Variants in ZNF831 observed in about 807,000 individuals in gnomAD.
ZNF831 encodes the protein zinc finger protein 831, also known as chromosome 20 open reading frame 174.
Under a neutral mutation model 95.8 loss-of-function variants are expected in ZNF831, and 59 were observed. The ratio of observed to expected loss-of-function variants is 0.62; its 90% CI spans 0.50 to 0.77. The LOEUF is 0.77. Ranked by LOEUF, ZNF831 falls within the 30% of genes least tolerant of loss-of-function variation. ZNF831 has a pLI of 0.00. For synonymous variants in ZNF831, 961 were observed against 925.5 expected (o/e 1.04, Z -0.70); for missense variants, 2,205 against 2,164.0 (o/e 1.02, Z -0.38).
chr20:59,133,722 C>T (rs1979416823), intron 1 of ZNF831, among the ~76,000 whole-genome samples: 1 of 152,190 alleles, frequency 6.6e-6, no homozygotes, highest in African/African-American at 2.4e-5. Context: ...GCTCATCTCC[C>T]TGCATTCTGT....
At chr20:59,214,037 A>G (rs1985516309) in intron 4 of ZNF831, among the ~76,000 whole-genome samples, 1 of 152,168 alleles carries the variant, frequency 6.6e-6, no homozygotes, top group Admixed American at 6.5e-5. Context: ...AATCTATCAT[A>G]AGGGTACGAT....
chr20:59,180,210 C>A (rs750738895), intron 1 of ZNF831, among the ~76,000 whole-genome samples: 2 of 152,140 alleles, frequency 1.3e-5, no homozygotes, highest in South Asian at 4.1e-4. Flanking sequence ...ACCTCAACCT[C>A]CTGAGTAGCT....
intron 5 of ZNF831, 132 bp downstream of exon 5, chr20:59,253,270 GC>G: frequency 1.0e-6 from 1 of 987,694 alleles, no homozygotes; most frequent in Non-Finnish European, 1.5e-6. Context: ...GGCACAGAAA[GC>G]CCATTAAGAC....
chr20:59,193,231 G>T lies in ZNF831; in HGVS notation c.2212G>T (p.Asp738Tyr), dbSNP rs1221233795. 6.3e-7 allele frequency: 1 copy of T among 1,598,192 alleles called. No individual in the cohort carries two copies. Among genetic ancestry groups the T allele is most frequent in the Non-Finnish European group, 8.5e-7 (1 of 1,172,298 alleles). ...AVSSPALGGR[D>Y]SPCSGSRSPL... is the part of the protein sequence containing the mutation. The stretch of plus-strand genomic sequence containing the variant: ...GTCATCCCCTGCACTGGGTGGCAGA[G>T]ACAGTCCCTGTTCAGGCAGTAGGAG... Residue 738 changes from aspartate (D) to tyrosine (Y), a missense_variant, in exon 2 of 6, where the codon GAC becomes TAC. Physicochemically the swap from Asp to Tyr is radical, Grantham distance 160. Coordinates refer to ENST00000371030, the MANE Select transcript of ZNF831 (RefSeq NM_178457.3).
At chr20:59,200,388 T>C (rs1001598108) in intron 3 of ZNF831, among the ~76,000 whole-genome samples, 1 of 152,208 alleles carries the variant, frequency 6.6e-6, no homozygotes, top group Non-Finnish European at 1.5e-5. Context: ...TGTTTCTCTG[T>C]GCTATAATCT....
At chr20:59,207,642 C>T (rs775191925) in intron 4 of ZNF831, among the ~76,000 whole-genome samples, 15 of 152,170 alleles carry the variant, frequency 9.9e-5, no homozygotes, top group African/African-American at 1.9e-4. Flanking sequence ...ACTGGGCAAC[C>T]GGGGCAAATG....
rs57571629 is a variant in ZNF831 at position 59,193,476 on chromosome 20, C to G, written c.2457C>G (p.Pro819=). 4.3e-6 allele frequency: 7 copies of G among 1,610,130 alleles called. No homozygotes were observed. The East Asian group carries it at 1.6e-4, about 36-fold the overall frequency. Residue 819 remains proline, a synonymous_variant, in exon 2 of 6, where the codon CCC becomes CCG. Transcript: ENST00000371030. ...GGGGCTCAGGGGAGGACAAGCTCCC[C>G]TCAGAGAGGAAGAAGCTGAAAGTGG... ...PSRGSGEDKL[P]SERKKLKVED... is the part of the protein sequence containing the mutation.
chr20:59,136,594 T>G (rs1161602917), intron 1 of ZNF831, among the ~76,000 whole-genome samples: 1 of 152,180 alleles, frequency 6.6e-6, no homozygotes, highest in Non-Finnish European at 1.5e-5. Flanking sequence ...CGGTAGATAC[T>G]GTAGCTCCCT....
chr20:59,142,459 C>G (rs976333859), intron 1 of ZNF831, among the ~76,000 whole-genome samples: 2 of 152,322 alleles, frequency 1.3e-5, no homozygotes, highest in African/African-American at 2.4e-5. Flanking sequence ...CCCAATACCC[C>G]CTACCCCCAC....
rs533621897 is a variant in ZNF831 at position 59,167,228 on chromosome 20, G to A, written c.-37+3021G>A. ...TGTGCTTATCTGCTGGCTGTATACC[G>A]TTTTTGGTGATAACTTGCTTCATGT... On this transcript the variant is annotated intron_variant, in intron 1 of 5. Transcript: ENST00000371030. 1.5e-4 allele frequency among the ~76,000 whole-genome samples: 23 copies of A among 152,160 alleles called. 1 individual carries two copies. Among genetic ancestry groups the A allele is most frequent in the Admixed American group, 1.2e-3 (18 of 15,288 alleles).
chr20:59,245,571 A>AAC (rs1161318600), intron 4 of ZNF831, among the ~76,000 whole-genome samples: 1 of 152,204 alleles, frequency 6.6e-6, no homozygotes, highest in Non-Finnish European at 1.5e-5. Flanking sequence ...CTCCACCCAC[A>AAC]ACATGCCAGG....
At chr20:59,238,640 G>C (rs1987136885) in intron 4 of ZNF831, among the ~76,000 whole-genome samples, 1 of 152,214 alleles carries the variant, frequency 6.6e-6, no homozygotes, top group Admixed American at 6.5e-5. Flanking sequence ...TTTTCTCTTT[G>C]AGATTCGTGA....
At chr20:59,156,109 A>C (rs1376428245) in intron 2 of ZNF831, among the ~76,000 whole-genome samples, 1 of 152,250 alleles carries the variant, frequency 6.6e-6, no homozygotes, top group East Asian at 1.9e-4. Flanking sequence ...TTTAGGGATA[A>C]GTATGCACCT....
At chr20:59,224,511 G>A (rs1425650593) in intron 4 of ZNF831, among the ~76,000 whole-genome samples, 2 of 152,122 alleles carry the variant, frequency 1.3e-5, no homozygotes, top group Non-Finnish European at 2.9e-5. Context: ...TGACGAATCC[G>A]ACTGTTCTTT....
intron 3 of ZNF831, among the ~76,000 whole-genome samples, chr20:59,202,341 A>ATTT (rs1568766087): frequency 0.11 from 10,962 of 97,982 alleles, 1,059 homozygotes; most frequent in African/African-American, 0.3. Flanking sequence ...TTTTTTTTTA[A>ATTT]AAAAAAAAAC....
At chr20:59,202,231 A>G (rs764366657) in intron 3 of ZNF831, among the ~76,000 whole-genome samples, 20 of 151,776 alleles carry the variant, frequency 1.3e-4, no homozygotes, top group Non-Finnish European at 2.8e-4. Flanking sequence ...TGTTGATGTG[A>G]ATTATATTTT....
At chr20:59,204,701 G>A (rs551247742) in intron 3 of ZNF831, among the ~76,000 whole-genome samples, 1 of 152,304 alleles carries the variant, frequency 6.6e-6, no homozygotes, top group African/African-American at 2.4e-5. Flanking sequence ...TGGCAAGGGG[G>A]TGACGAGTGT....
intron 4 of ZNF831, among the ~76,000 whole-genome samples, chr20:59,228,928 T>C (rs1986574679): frequency 6.6e-6 from 1 of 152,236 alleles, no homozygotes; most frequent in African/African-American, 2.4e-5. Flanking sequence ...ACTATATTTT[T>C]TGTACGCCTT....
In ZNF831 at chr20:59,251,929, C is replaced by T. The variant is rs76070290; in HGVS notation, c.4028-1049C>T. The stretch of plus-strand genomic sequence containing the variant: ...CATACTAATATAAACATGGAATATT[C>T]GCCTAAATGAAAACAGGCCATAGGG... On this transcript the variant is annotated intron_variant, in intron 4 of 5. Transcript: ENST00000371030. Among the ~76,000 whole-genome samples, 59 of 152,186 alleles carry T rather than the reference C, an allele frequency of 3.9e-4. No individual in the cohort carries two copies. In the East Asian group the frequency reaches 7.1e-3, roughly 18 times the overall value.
Sources: allele counts gnomAD v4.1 joint callset (sites outside exome capture counted in the v4.1 genomes callset), GRCh38; gene constraint gnomAD v4.1.1; transcripts MANE v1.5; gene names NCBI Gene and HGNC (gene_info 2026-07-23, HGNC 2026-07-21).